Variants in STK32B observed in about 807,000 individuals in gnomAD.
The protein encoded by STK32B is serine/threonine kinase 32B.
Under a neutral mutation model 52.6 loss-of-function variants are expected in STK32B, and 43 were observed. The observed-to-expected ratio is 0.82, with a 90% CI of 0.64 to 1.05. STK32B has a LOEUF of 1.05. STK32B is among the 50% of genes least tolerant of loss of function. The pLI, the probability that STK32B is intolerant of heterozygous loss-of-function variation, is 0.00. For synonymous variants in STK32B, 238 were observed against 204.3 expected (o/e 1.17, Z -1.41); for missense variants, 621 against 534.6 (o/e 1.16, Z -1.59).
At chr4:5,487,993 T>C (rs1466766074) in intron 11 of STK32B, among the ~76,000 whole-genome samples, 1 of 152,184 alleles carries the variant, frequency 6.6e-6, no homozygotes, top group Non-Finnish European at 1.5e-5. Context: ...GAGAGTTGAA[T>C]TTGAAGAATT....
chr4:5,250,688 A>G (rs562864902), intron 3 of STK32B, among the ~76,000 whole-genome samples: 36 of 152,328 alleles, frequency 2.4e-4, no homozygotes, highest in South Asian at 6.2e-4. Flanking sequence ...CCAGCAGTGT[A>G]TAAGCATTCC....
intron 3 of STK32B, among the ~76,000 whole-genome samples, chr4:5,307,680 G>A (rs976897422): frequency 6.6e-6 from 1 of 151,698 alleles, no homozygotes; most frequent in Admixed American, 6.6e-5. Flanking sequence ...TGATCTTTTG[G>A]GAGTGTTAGA....
chr4:5,196,324 T>C (rs1382187184), intron 3 of STK32B, among the ~76,000 whole-genome samples: 3 of 144,398 alleles, frequency 2.1e-5, no homozygotes, highest in East Asian at 2.1e-4. Flanking sequence ...TCTCCTCTCT[T>C]CTTTCTTCAG....
rs1720148332 is a variant in STK32B, at chr4:5,179,077, T to G, written c.260+10627T>G. 2.6e-5 allele frequency among the ~76,000 whole-genome samples: 4 copies of G among 152,382 alleles called. No individual in the cohort carries two copies. The South Asian group carries it at 8.3e-4, about 32-fold the overall frequency. ...AATTTATAAAGACAAGAGGTTTAACTTACTCTCAGTTCTGCATTGCTGGGG... is the reference window on the plus strand; with the variant it reads ...AATTTATAAAGACAAGAGGTTTAACGTACTCTCAGTTCTGCATTGCTGGGG... On this transcript the variant is annotated intron_variant, in intron 3 of 11. Transcript: ENST00000282908.
chr4:5,370,996 GTATATATATATATATGTATATA>G (rs1735192907), intron 4 of STK32B, among the ~76,000 whole-genome samples: 1 of 141,074 alleles, frequency 7.1e-6, no homozygotes, highest in African/African-American at 2.7e-5. Context: ...GTGTGTGTGT[GTATATATATATATATGTATATA>G]TATGTGTATA....
At chr4:5,089,837 G>A (rs1375756135) in intron 1 of STK32B, among the ~76,000 whole-genome samples, 3 of 152,076 alleles carry the variant, frequency 2.0e-5, no homozygotes, top group Non-Finnish European at 4.4e-5. Context: ...AAAAGCGTTC[G>A]TATTTCTCCA....
At chr4:5,142,808 A>T (rs1013633793) in intron 2 of STK32B, among the ~76,000 whole-genome samples, 2 of 152,114 alleles carry the variant, frequency 1.3e-5, no homozygotes, top group Non-Finnish European at 2.9e-5. Context: ...CTGCGAAGGT[A>T]TTTTTTTGGA....
Position 5,386,631 on chromosome 4 carries a change from C to A in STK32B, c.435-11576C>A, listed in dbSNP as rs950152433. 1.3e-5 allele frequency among the ~76,000 whole-genome samples: 2 copies of A among 152,230 alleles called. No homozygotes were observed. The highest frequency in any genetic ancestry group is 4.1e-4 in the South Asian group (2 of 4,830). On this transcript the variant is annotated intron_variant, in intron 4 of 11. Transcript: ENST00000282908. The surrounding 1 kb of genome is among the most constrained non-coding windows in gnomAD (Gnocchi z 4.5). ...CCTTTCCCAATGACCCAGATAAAAT[C>A]CACACTGTCAAGTTTACAAGAGTCA... is the stretch of plus-strand genomic sequence containing the variant.
At chr4:5,077,908 A>C (rs1417017780) in intron 1 of STK32B, among the ~76,000 whole-genome samples, 1 of 152,134 alleles carries the variant, frequency 6.6e-6, no homozygotes, top group African/African-American at 2.4e-5. Context: ...AACTGTGAGG[A>C]TATTTCTTGT....
At chr4:5,158,546 G>C (rs1042951187) in intron 2 of STK32B, among the ~76,000 whole-genome samples, 3 of 152,098 alleles carry the variant, frequency 2.0e-5, no homozygotes, top group Non-Finnish European at 4.4e-5. Flanking sequence ...TTTTAAAACA[G>C]CTCCCCAGTG....
chr4:5,471,785 T>G (rs938074503), intron 11 of STK32B, among the ~76,000 whole-genome samples: 2 of 152,088 alleles, frequency 1.3e-5, no homozygotes, highest in Non-Finnish European at 2.9e-5. Context: ...GGGTTCTGAG[T>G]TGAGTCATAA....
At chr4:5,475,023 A>AT (rs1351668582) in intron 11 of STK32B, among the ~76,000 whole-genome samples, 1 of 152,156 alleles carries the variant, frequency 6.6e-6, no homozygotes. Flanking sequence ...AGCGGGAGGA[A>AT]TTCCAGCCAG....
intron 6 of STK32B, chr4:5,432,489 T>G (rs879397131): frequency 2.0e-5 from 3 of 152,196 alleles, no homozygotes; most frequent in Non-Finnish European, 4.4e-5. Flanking sequence ...GAAACAGGAA[T>G]AGCAAGGAAC....
intron 3 of STK32B, among the ~76,000 whole-genome samples, chr4:5,194,528 T>G (rs1530613): frequency 0.097 from 14,724 of 152,160 alleles, 1,319 homozygotes; most frequent in African/African-American, 0.22. Flanking sequence ...ACTGTGAAAA[T>G]GTATGCGCCA....
At chr4:5,468,214 T>TG in intron 11 of STK32B, 144 bp downstream of exon 11, 4 of 777,362 alleles carry the variant, frequency 5.1e-6, no homozygotes, top group Non-Finnish European at 8.6e-6. Context: ...AGGGCTCTGG[T>TG]GGGGGGTGAA....
chr4:5,272,276 T>A (rs1337959334), intron 3 of STK32B, among the ~76,000 whole-genome samples: 3 of 148,222 alleles, frequency 2.0e-5, no homozygotes, highest in Non-Finnish European at 4.4e-5. Context: ...GTGGTTTTTG[T>A]CTTTGGCTCT....
At chr4:5,144,212 G>C (rs181214919) in intron 2 of STK32B, among the ~76,000 whole-genome samples, 117 of 152,228 alleles carry the variant, frequency 7.7e-4, no homozygotes, top group African/African-American at 2.7e-3. Context: ...GACAAACAAG[G>C]ATTCAAATGC....
At chr4:5,468,797 T>A (rs1717634468) in intron 11 of STK32B, among the ~76,000 whole-genome samples, 2 of 152,026 alleles carry the variant, frequency 1.3e-5, no homozygotes, top group African/African-American at 4.8e-5. Flanking sequence ...GCGCGGTGGC[T>A]CACACCTGTA....
At position 5,269,881 on chromosome 4, in the gene STK32B, T is replaced by G. The variant is rs528966192; in HGVS notation, c.261-61339T>G. ...GATACAAAAATTCTTTACAGTATTTTAGAAATTCAAATTCAACAATAATAA... is the reference window on the plus strand; with the variant it reads ...GATACAAAAATTCTTTACAGTATTTGAGAAATTCAAATTCAACAATAATAA... On this transcript the variant is annotated intron_variant, in intron 3 of 11. Transcript: ENST00000282908. Among the ~76,000 whole-genome samples the G allele has an allele frequency of 1.9e-4, 28 of 147,034 alleles. No individual in the cohort carries two copies. In the East Asian group the frequency reaches 5.3e-3, roughly 28 times the overall value.
Sources: gnomAD v4.1 joint callset for allele counts (sites outside exome capture counted in the v4.1 genomes callset) on GRCh38, gnomAD v4.1.1 for gene constraint, Gnocchi (gnomAD v3.1) non-coding constraint, MANE v1.5 for transcripts, NCBI Gene and HGNC (gene_info 2026-07-23, HGNC 2026-07-21) for gene names.